ZNF766: variants seen among roughly 807,000 people sequenced by gnomAD.
The protein encoded by ZNF766 is zinc finger protein 766.
In ZNF766, 13 loss-of-function variants were observed where a neutral mutation model predicts 13.2. The observed-to-expected ratio is 0.98, with a 90% CI of 0.64 to 1.56. The LOEUF (loss-of-function observed/expected upper bound fraction) is 1.56. Among genes scored for constraint, ZNF766 ranks in the 40% most tolerant of loss-of-function variants. The pLI, the probability that ZNF766 is intolerant of heterozygous loss-of-function variation, is 0.00. For synonymous variants in ZNF766, 178 were observed against 187.6 expected, an observed-to-expected ratio of 0.95 and a Z score of 0.42; for missense variants, 521 against 552.2, an observed-to-expected ratio of 0.94 and a Z score of 0.57.
chr19:52,288,413 C>A (rs1600203367), intron 3 of ZNF766, among the ~76,000 whole-genome samples: 1 of 152,252 alleles, frequency 6.6e-6, no homozygotes, highest in East Asian at 1.9e-4. Flanking sequence ...GAGATAGGGT[C>A]TCACTGTGTC....
intron 1 of ZNF766, among the ~76,000 whole-genome samples, chr19:52,271,673 A>G (rs535760746): frequency 7.6e-4 from 115 of 152,278 alleles, no homozygotes; most frequent in Admixed American, 1.2e-3. Context: ...ACACACAGAC[A>G]CACTGGCTGG....
chr19:52,280,222 G>A (rs2122474416), intron 1 of ZNF766, among the ~76,000 whole-genome samples: 1 of 152,192 alleles, frequency 6.6e-6, no homozygotes. Context: ...TGACTGCCAG[G>A]CAGTATGTGC....
Position 52,290,364 on chromosome 19 carries a change from G to T in ZNF766, c.573G>T (p.Glu191Asp), listed in dbSNP as rs1193940659. Residue 191 changes from glutamate to aspartate, a missense_variant, in exon 4 of 4, where the codon GAG becomes GAT. Physicochemically the swap from Glu to Asp is conservative, Grantham distance 45. Transcript: ENST00000439461. ...HIRRKPYECN[E>D]QGKVFRVSSS... Reference sequence around the variant, plus strand: ...GGAGAAAACCTTACGAATGTAATGAGCAGGGCAAAGTCTTCAGAGTGTCTT... The same window carrying T: ...GGAGAAAACCTTACGAATGTAATGATCAGGGCAAAGTCTTCAGAGTGTCTT... 1 of 1,613,918 alleles carries T rather than the reference G, an allele frequency of 6.2e-7. No individual in the cohort carries two copies. Among genetic ancestry groups the T allele is most frequent in the East Asian group, 2.2e-5 (1 of 44,900 alleles).
At chr19:52,285,167 C>G (rs1981750465) in intron 3 of ZNF766, 1 of 152,148 alleles carries the variant, frequency 6.6e-6, no homozygotes, top group Non-Finnish European at 1.5e-5. Flanking sequence ...TAGCACAAAA[C>G]TCGCAAACCA....
chr19:52,284,169 T>G (rs139712866), intron 3 of ZNF766, among the ~76,000 whole-genome samples: 25 of 152,366 alleles, frequency 1.6e-4, no homozygotes, highest in African/African-American at 4.8e-4. Context: ...AACTCTTTAG[T>G]CCTTGATTCT....
intron 1 of ZNF766, among the ~76,000 whole-genome samples, chr19:52,273,154 G>A (rs866242089): frequency 1.3e-5 from 2 of 151,930 alleles, no homozygotes; most frequent in Non-Finnish European, 2.9e-5. Context: ...GACTACAGGC[G>A]TGCACCATCA....
intron 1 of ZNF766, chr19:52,277,270 T>C (rs758445712): frequency 3.7e-5 from 40 of 1,071,980 alleles, no homozygotes; most frequent in Non-Finnish European, 4.8e-5. Flanking sequence ...CCATCCTGGC[T>C]AACACGGTGA....
chr19:52,290,030 A>G (rs1439227171), intron 3 of ZNF766, 36 bp from the exon 4 acceptor site: 1 of 1,547,106 alleles, frequency 6.5e-7, no homozygotes, highest in South Asian at 1.3e-5. Flanking sequence ...TGCCAGAACC[A>G]TGGGTTCAAA....
At chr19:52,272,805 G>C (rs780910942) in intron 1 of ZNF766, among the ~76,000 whole-genome samples, 7 of 152,018 alleles carry the variant, frequency 4.6e-5, no homozygotes, top group Non-Finnish European at 7.4e-5. Context: ...CTGAGGTCTA[G>C]AAACCTGTGT....
intron 1 of ZNF766, among the ~76,000 whole-genome samples, chr19:52,281,134 A>G (rs1224707412): frequency 6.6e-6 from 1 of 150,940 alleles, no homozygotes; most frequent in Non-Finnish European, 1.5e-5. Flanking sequence ...GAGCCTGGGC[A>G]ACAAGAGCAA....
chr19:52,291,000 A>G lies in ZNF766; in HGVS notation c.1209A>G (p.Lys403=). 1 of 1,614,156 alleles carries G rather than the reference A, an allele frequency of 6.2e-7. No homozygotes were observed. The highest frequency in any genetic ancestry group is 8.5e-7 in the Non-Finnish European group (1 of 1,180,030). Residue 403 remains lysine (K), a synonymous_variant, in exon 4 of 4, where the codon AAA becomes AAG. Transcript: ENST00000439461. ...TQVSHLARHQ[K]IHTGEKPYKC... ...TTTCACATCTTGCACGACATCAGAA[A>G]ATTCACACTGGAGAGAAACCTTACA...
In ZNF766 at chr19:52,290,482, G is replaced by T. The variant is rs374760858; in HGVS notation, c.691G>T (p.Ala231Ser). ...GKTVRDKSGL[A>S]EHWRIRTGEK... Reference sequence around the variant, plus strand: ...AACCGTCAGGGACAAGTCAGGCCTCGCAGAACATTGGAGAATTCGTACAGG... The same window carrying T: ...AACCGTCAGGGACAAGTCAGGCCTCTCAGAACATTGGAGAATTCGTACAGG... Residue 231 changes from alanine (A) to serine (S), a missense_variant, in exon 4 of 4, where the codon GCA (alanine) becomes TCA (serine). Transcript: ENST00000439461. 13 of 1,613,820 alleles carry T rather than the reference G, an allele frequency of 8.1e-6. No individual in the cohort carries two copies. Among genetic ancestry groups the T allele is most frequent in the Non-Finnish European group, 1.1e-5 (13 of 1,179,920 alleles).
rs1982286933 is a variant in ZNF766 at position 52,294,945 on chromosome 19, T to C, written c.*3747T>C. 2.6e-5 allele frequency: 4 copies of C among 150,966 alleles called. No homozygotes were observed. The South Asian group carries it at 6.2e-4, about 23-fold the overall frequency. The allele number at this position is 150,966 out of a possible 1,614,324, so 9.4% of individuals were successfully genotyped here. A position where few individuals can be genotyped will look rare whatever the true frequency, so the allele number is the denominator to read the frequency against. On this transcript the variant is annotated 3_prime_UTR_variant, in exon 4 of 4. Transcript: ENST00000439461. ...GTGTGGGTTTATAATAAATATAATGTATTATATAATATGATTAAAATATAT... is the reference window on the plus strand; with the variant it reads ...GTGTGGGTTTATAATAAATATAATGCATTATATAATATGATTAAAATATAT...
In ZNF766 at chr19:52,295,188, T is replaced by G. The variant is rs1405941397; in HGVS notation, c.*3990T>G. On this transcript the variant is annotated 3_prime_UTR_variant, in exon 4 of 4. Coordinates refer to ENST00000439461, the MANE Select transcript of ZNF766 (RefSeq NM_001010851.3). ...TGCATCCAGATGCTATGCTTGTTTG[T>G]TTTTTTTTTTGAGACAGAGTCTTGC... 1.4e-4 allele frequency: 13 copies of G among 95,906 alleles called. No individual in the cohort carries two copies. Among genetic ancestry groups the G allele is most frequent in the Admixed American group, 1.2e-3 (13 of 10,542 alleles). The allele number at this position is 95,906 out of a possible 1,614,324, so 5.9% of individuals were successfully genotyped here. A position where few individuals can be genotyped will look rare whatever the true frequency, so the allele number is the denominator to read the frequency against.
rs1483429561 is a variant in ZNF766, at chr19:52,295,555, CTGT to C, written c.*4362_*4364del. On this transcript the variant is annotated 3_prime_UTR_variant, in exon 4 of 4. Transcript: ENST00000439461. ...AATTTTAGGGGACACAAAAATGAGACTGTTGTTTGGAGACAATATTTTTTGACA... is the reference window on the plus strand; with the variant it reads ...AATTTTAGGGGACACAAAAATGAGACTGTTTGGAGACAATATTTTTTGACA... 1 of 152,138 alleles carries C rather than the reference CTGT, an allele frequency of 6.6e-6. No homozygotes were observed. The highest frequency in any genetic ancestry group is 2.4e-5 in the African/African-American group (1 of 41,432). The allele number at this position is 152,138 out of a possible 1,614,324, so 9.4% of individuals were successfully genotyped here. A position where few individuals can be genotyped will look rare whatever the true frequency, so the allele number is the denominator to read the frequency against.
intron 3 of ZNF766, among the ~76,000 whole-genome samples, chr19:52,284,160 A>G (rs1026536169): frequency 1.3e-5 from 2 of 152,142 alleles, no homozygotes; most frequent in African/African-American, 4.8e-5. Context: ...GCTTCTGTCA[A>G]CTCTTTAGTC....
In ZNF766 at chr19:52,276,494, TTTTTGTTTTG is replaced by T. The variant is rs199834770; in HGVS notation, c.19-5602_19-5593del. ...CCCATCAATCTGTTAATAGTCTTCT[TTTTTGTTTTG>T]TTTTGTTTTGTTTTTAATAGTAGTC... On this transcript the variant is annotated intron_variant, in intron 1 of 3. Transcript: ENST00000439461. Among the ~76,000 whole-genome samples the T allele has an allele frequency of 4.2e-4, 64 of 152,260 alleles. No homozygotes were observed. In the East Asian group the frequency reaches 7.3e-3, roughly 17 times the overall value.
rs1332003309 is a variant in ZNF766 at position 52,271,654 on chromosome 19, C to G, written c.18+2023C>G. On this transcript the variant is annotated intron_variant, in intron 1 of 3. Coordinates refer to ENST00000439461, the MANE Select transcript of ZNF766 (RefSeq NM_001010851.3). Reference sequence around the variant, plus strand: ...AGTGCACCCACATGGAGGTATTGTCCATGAAAACACACACAGACACACTGG... The same window carrying G: ...AGTGCACCCACATGGAGGTATTGTCGATGAAAACACACACAGACACACTGG... 2.0e-5 allele frequency among the ~76,000 whole-genome samples: 3 copies of G among 152,132 alleles called. No homozygotes were observed. In the East Asian group the frequency reaches 5.8e-4, roughly 29 times the overall value.
chr19:52,284,331 A>G (rs534055986), intron 3 of ZNF766, among the ~76,000 whole-genome samples: 6 of 152,152 alleles, frequency 3.9e-5, no homozygotes, highest in African/African-American at 1.2e-4. Flanking sequence ...TGATCTGCCC[A>G]TTTCCTGTAC....
Sources: allele counts gnomAD v4.1 joint callset (sites outside exome capture counted in the v4.1 genomes callset), GRCh38; gene constraint gnomAD v4.1.1; transcripts MANE v1.5; gene names NCBI Gene and HGNC (gene_info 2026-07-23, HGNC 2026-07-21).